The following NAA25 variants were observed in gnomAD, a reference collection of about 807,000 sequenced individuals.
The protein encoded by NAA25 is N-alpha-acetyltransferase 25, NatB auxiliary subunit.
NAA25 carries 30 observed loss-of-function variants against 132.5 expected under a neutral mutation model. The observed-to-expected ratio is 0.23, with a 90% CI of 0.17 to 0.31. The LOEUF is 0.31. Among genes scored for constraint, NAA25 ranks in the 10% least tolerant of loss-of-function variants. The probability of loss-of-function intolerance (pLI) is 1.00; values close to 1 mark genes in which losing one functional copy is unlikely to be tolerated. For missense variants in NAA25, 771 were observed against 1,150.4 expected (o/e 0.67, Z 4.77); for synonymous variants, 359 against 401.9 (o/e 0.89, Z 1.28).
chr12:112,052,146 T>C (rs2078476808), intron 15 of NAA25, among the ~76,000 whole-genome samples: 1 of 151,574 alleles, frequency 6.6e-6, no homozygotes, highest in Non-Finnish European at 1.5e-5. Context: ...TCCTTTTGAT[T>C]TTTTTTTTGA....
At position 112,061,398 on chromosome 12, in the gene NAA25, G is replaced by C; in HGVS notation, c.1150-10C>G. On this transcript the variant is annotated splice_polypyrimidine_tract_variant and intron_variant, in intron 11 of 23. Coordinates refer to ENST00000261745, the MANE Select transcript of NAA25 (RefSeq NM_024953.4). ...GTAACTGATTAATAAACTGCAAAGT[G>C]GGGAAAAAAGGAGCAAAGGTCTCAA... 6.2e-7 allele frequency: 1 copy of C among 1,605,530 alleles called. No homozygotes were observed. The highest frequency in any genetic ancestry group is 8.5e-7 in the Non-Finnish European group (1 of 1,173,070).
Position 112,043,216 on chromosome 12 carries a change from A to G in NAA25, c.2251-5T>C, listed in dbSNP as rs1164551832. 1 of 1,572,632 alleles carries G rather than the reference A, an allele frequency of 6.4e-7. No individual in the cohort carries two copies. Among genetic ancestry groups the G allele is most frequent in the Non-Finnish European group, 8.6e-7 (1 of 1,161,556 alleles). The stretch of plus-strand genomic sequence containing the variant: ...TACAGGACCAAGGAAAGGATACTGG[A>G]AAAAAGGGAGAAAAATAATGCTCTT... On this transcript the variant is annotated splice_region_variant and splice_polypyrimidine_tract_variant and intron_variant, in intron 18 of 23. Coordinates refer to ENST00000261745, the MANE Select transcript of NAA25 (RefSeq NM_024953.4).
chr12:112,078,879 G>A lies in NAA25; in HGVS notation c.478-138C>T, dbSNP rs116681924. 2,480 of 645,454 alleles carry A rather than the reference G, an allele frequency of 3.8e-3. 53 individuals carry two copies. The African/African-American group carries it at 0.042, about 11-fold the overall frequency. 40.0% of individuals were successfully genotyped at this position (645,454 alleles called of 1,614,324 possible). A position where few individuals can be genotyped will look rare whatever the true frequency, so the allele number is the denominator to read the frequency against. On this transcript the variant is annotated intron_variant, in intron 5 of 23. Transcript: ENST00000261745. The stretch of plus-strand genomic sequence containing the variant: ...CCTAATATGAATTCCCTGCCAAGGA[G>A]GTACATTACGGAGCAGTTTGTTTTA...
At chr12:112,071,770 T>A in intron 10 of NAA25, 125 bp downstream of exon 10, 1 of 632,160 alleles carries the variant, frequency 1.6e-6, no homozygotes, top group Non-Finnish European at 2.5e-6. Flanking sequence ...TTAGCAAATA[T>A]TTTCAGGCTA....
chr12:112,087,009 CAAAAAAAA>C (rs57089089), intron 4 of NAA25, among the ~76,000 whole-genome samples: 2 of 70,552 alleles, frequency 2.8e-5, no homozygotes, highest in Admixed American at 2.9e-4. Flanking sequence ...ACTCCATCTC[CAAAAAAAA>C]AAAAAAAAAA....
At chr12:112,066,365 G>C (rs2078718624) in intron 11 of NAA25, among the ~76,000 whole-genome samples, 1 of 152,102 alleles carries the variant, frequency 6.6e-6, no homozygotes, top group Non-Finnish European at 1.5e-5. Flanking sequence ...CTCCCACCTG[G>C]TTTATCTACA....
At chr12:112,074,354 A>AG (rs1334745120) in intron 9 of NAA25, among the ~76,000 whole-genome samples, 2 of 151,124 alleles carry the variant, frequency 1.3e-5, no homozygotes. Flanking sequence ...AAAAAAAAAA[A>AG]AAAAAAAAAA....
chr12:112,104,166 C>A (rs1189253740), intron 1 of NAA25, among the ~76,000 whole-genome samples: 1 of 152,208 alleles, frequency 6.6e-6, no homozygotes, highest in African/African-American at 2.4e-5. Flanking sequence ...CTGATCCAGG[C>A]TAATCCAAGA....
chr12:112,072,896 A>C (rs1046216127), intron 9 of NAA25, among the ~76,000 whole-genome samples: 89 of 151,320 alleles, frequency 5.9e-4, no homozygotes, highest in African/African-American at 2.1e-3. Context: ...GCAAGATTAC[A>C]CCACTGCACT....
At position 112,028,724 on chromosome 12, in the gene NAA25, AAC is replaced by A. The variant is rs1212613787; in HGVS notation, c.*805_*806del. 6.6e-6 allele frequency: 1 copy of A among 152,154 alleles called. No individual in the cohort carries two copies. The highest frequency in any genetic ancestry group is 1.5e-5 in the Non-Finnish European group (1 of 68,040). 9.4% of individuals were successfully genotyped at this position (152,154 alleles called of 1,614,324 possible). A position where few individuals can be genotyped will look rare whatever the true frequency, so the allele number is the denominator to read the frequency against. On this transcript the variant is annotated 3_prime_UTR_variant, in exon 24 of 24. Coordinates refer to ENST00000261745, the MANE Select transcript of NAA25 (RefSeq NM_024953.4). Reference sequence around the variant, plus strand: ...AATTATGTGCACCTCTCTTCTTTGAAACAGTCATTCCTATCTTTCCCAAATGT... The same window carrying A: ...AATTATGTGCACCTCTCTTCTTTGAAAGTCATTCCTATCTTTCCCAAATGT...
rs779637829 is a variant in NAA25 at position 112,071,979 on chromosome 12, G to A, written c.952C>T (p.Arg318Cys). 5 of 1,613,870 alleles carry A rather than the reference G, an allele frequency of 3.1e-6. No individual in the cohort carries two copies. Among genetic ancestry groups the A allele is most frequent in the African/African-American group, 1.3e-5 (1 of 74,900 alleles). ...DRITEESKSS[R>C]HLRGPHLAKL... ...GCTAGATGTGGTCCTCGGAGATGGC[G>A]AGAACTTTTAGATTCTTCCGTTATC... Residue 318 changes from arginine (R) to cysteine (C), a missense_variant, in exon 10 of 24, where the codon CGC becomes TGC. Arg to Cys is a radical substitution (Grantham distance 180). Transcript: ENST00000261745.
At chr12:112,063,586 T>C (rs1457459085) in intron 11 of NAA25, among the ~76,000 whole-genome samples, 2 of 152,204 alleles carry the variant, frequency 1.3e-5, no homozygotes, top group Non-Finnish European at 2.9e-5. Context: ...ACAGGCATTT[T>C]GGAATGGAAA....
chr12:112,075,741 A>G lies in NAA25; in HGVS notation c.713T>C (p.Met238Thr). ...TGGCCACCTGCTCAGCTTCTTGTAC[A>G]TAGCCATGCATTTATTTTCCCGACT... ...IQSRENKCMA[M>T]YKKLSRWPEC... Residue 238 changes from methionine to threonine, a missense_variant, in exon 8 of 24, where the codon ATG becomes ACG. Transcript: ENST00000261745. 1.9e-6 allele frequency: 3 copies of G among 1,614,092 alleles called. No individual in the cohort carries two copies. The highest frequency in any genetic ancestry group is 2.5e-6 in the Non-Finnish European group (3 of 1,179,948).
At chr12:112,033,067 CCAA>C (rs2078171079) in intron 23 of NAA25, among the ~76,000 whole-genome samples, 163 bp downstream of exon 23, 1 of 152,166 alleles carries the variant, frequency 6.6e-6, no homozygotes, top group Non-Finnish European at 1.5e-5. Flanking sequence ...AAACCTACCA[CCAA>C]CAACACAACA....
chr12:112,063,787 A>T (rs2078672815), intron 11 of NAA25: 1 of 152,228 alleles, frequency 6.6e-6, no homozygotes, highest in Admixed American at 6.5e-5. Flanking sequence ...GGAGGAAAAT[A>T]ACAAAAAATT....
intron 13 of NAA25, among the ~76,000 whole-genome samples, chr12:112,055,378 A>C (rs567424011): frequency 6.6e-6 from 1 of 152,292 alleles, no homozygotes; most frequent in African/African-American, 2.4e-5. Context: ...AATATGCACA[A>C]AGAGAGAGAG....
rs960337704 is a variant in NAA25 at position 112,053,724 on chromosome 12, A to G, written c.1629-67T>C. Reference sequence around the variant, plus strand: ...CTTACTTACCTAGCTCAAGTAACAAATATTACGCTTCAAATTACTTGGCAA... The same window carrying G: ...CTTACTTACCTAGCTCAAGTAACAAGTATTACGCTTCAAATTACTTGGCAA... On this transcript the variant is annotated intron_variant, in intron 14 of 23. Transcript: ENST00000261745. The G allele has an allele frequency of 2.7e-6, 3 of 1,126,014 alleles. No individual in the cohort carries two copies. The African/African-American group carries it at 4.7e-5, about 18-fold the overall frequency. 69.8% of individuals were successfully genotyped at this position (1,126,014 alleles called of 1,614,324 possible).
At chr12:112,097,179 G>T (rs562881571) in intron 1 of NAA25, 3 of 152,280 alleles carry the variant, frequency 2.0e-5, no homozygotes, top group Admixed American at 6.5e-5. Context: ...CTGAAAGCCA[G>T]AGTCAGTAAG....
intron 4 of NAA25, among the ~76,000 whole-genome samples, chr12:112,084,361 C>A (rs971370904): frequency 6.6e-6 from 1 of 152,230 alleles, no homozygotes; most frequent in Non-Finnish European, 1.5e-5. Flanking sequence ...CAAACAAAAA[C>A]CTTCATCCAT....
Sources: allele counts gnomAD v4.1 joint callset (sites outside exome capture counted in the v4.1 genomes callset), GRCh38; gene constraint gnomAD v4.1.1; transcripts MANE v1.5; gene names NCBI Gene and HGNC (gene_info 2026-07-23, HGNC 2026-07-21).